Variants in COL7A1 observed in about 807,000 individuals in gnomAD.
The protein encoded by COL7A1 is collagen type VII alpha 1 chain, also known as collagen alpha-1(VII) chain.
A neutral mutation model predicts 456.2 loss-of-function variants in COL7A1; 296 were observed. The ratio of observed to expected loss-of-function variants is 0.65; its 90% confidence interval spans 0.59 to 0.71. The LOEUF (loss-of-function observed/expected upper bound fraction) is 0.71, where lower values mean the gene tolerates loss of function less well. Ranked by LOEUF, COL7A1 falls within the 30% of genes least tolerant of loss-of-function variation. The probability of loss-of-function intolerance (pLI) is 0.00; values close to 1 mark genes in which losing one functional copy is unlikely to be tolerated. For synonymous variants in COL7A1, 1,464 were observed against 1,525.9 expected, an observed-to-expected ratio of 0.96 and a Z score of 0.95; for missense variants, 3,441 against 4,017.2, an observed-to-expected ratio of 0.86 and a Z score of 3.88.
chr3:48,573,163 G>A lies in COL7A1; in HGVS notation c.6714+11C>T, dbSNP rs2044052522. On this transcript the variant is annotated intron_variant, in intron 85 of 118. Coordinates refer to ENST00000681320, the MANE Select transcript of COL7A1 (RefSeq NM_000094.4). The surrounding 1 kb of genome is among the most constrained non-coding windows in gnomAD (Gnocchi z 5.5). ...ACGGTGTCCCTACAGGGGCCACAGGGACTCACTCACCACAAGGCCTGAAGG... is the reference window on the plus strand; with the variant it reads ...ACGGTGTCCCTACAGGGGCCACAGGAACTCACTCACCACAAGGCCTGAAGG... 6 of 1,613,914 alleles carry A rather than the reference G, an allele frequency of 3.7e-6. No homozygotes were observed. Among genetic ancestry groups the A allele is most frequent in the Non-Finnish European group, 5.1e-6 (6 of 1,179,958 alleles).
In COL7A1 at chr3:48,564,189, C is replaced by A. The variant is rs1172546829; in HGVS notation, c.*217G>T. ...CCGCTCACTGCCCACAGCCACCCCCCCACAGTGAGTCATCTGCCAGGGTGG... is the reference window on the plus strand; with the variant it reads ...CCGCTCACTGCCCACAGCCACCCCCACACAGTGAGTCATCTGCCAGGGTGG... On this transcript the variant is annotated 3_prime_UTR_variant, in exon 119 of 119. Coordinates refer to ENST00000681320, the MANE Select transcript of COL7A1 (RefSeq NM_000094.4). This position sits in a 1 kb window ranked among gnomAD's most constrained non-coding sequence, Gnocchi z 6.0. 3.1e-6 allele frequency: 2 copies of A among 644,564 alleles called. No homozygotes were observed. The highest frequency in any genetic ancestry group is 2.2e-5 in the Admixed American group (1 of 46,130). 39.9% of individuals were successfully genotyped at this position (644,564 alleles called of 1,614,324 possible). A position where few individuals can be genotyped will look rare whatever the true frequency, so the allele number is the denominator to read the frequency against.
chr3:48,579,799 C>T lies in COL7A1; in HGVS notation c.5140G>A (p.Gly1714Arg). The T allele has an allele frequency of 1.9e-6, 3 of 1,614,072 alleles. No homozygotes were observed. Among genetic ancestry groups the T allele is most frequent in the Non-Finnish European group, 2.5e-6 (3 of 1,180,020 alleles). ...GACCCTAATACCTTCTCTCTGGCTC[C>T]AGGTCCTGTGTCTACCTGTGGGGGG... The part of the protein sequence containing the change: ...PPGRLVDTGP[G>R]AREKGEPGDR... Residue 1714 changes from glycine to arginine, a missense_variant, in exon 58 of 119, where the codon GGA (glycine) becomes AGA (arginine). Coordinates refer to ENST00000681320, the MANE Select transcript of COL7A1 (RefSeq NM_000094.4). This position sits in a 1 kb window ranked among gnomAD's most constrained non-coding sequence, Gnocchi z 4.4.
rs374775853 is a variant in COL7A1 at position 48,570,385 on chromosome 3, G to A, written c.7381-51C>T. 1.7e-5 allele frequency: 27 copies of A among 1,613,784 alleles called. No homozygotes were observed. The highest frequency in any genetic ancestry group is 4.5e-5 in the East Asian group (2 of 44,864). On this transcript the variant is annotated intron_variant, in intron 97 of 118. Coordinates refer to ENST00000681320, the MANE Select transcript of COL7A1 (RefSeq NM_000094.4). The surrounding 1 kb of genome is among the most constrained non-coding windows in gnomAD (Gnocchi z 5.5). Reference sequence around the variant, plus strand: ...TCAGTGAGGGGAATCAGTGGGGGACGCAGGGTCATGGGAGGTCAGTGGAGG... The same window carrying A: ...TCAGTGAGGGGAATCAGTGGGGGACACAGGGTCATGGGAGGTCAGTGGAGG...
At position 48,567,526 on chromosome 3, in the gene COL7A1, T is replaced by A; in HGVS notation, c.8046+48A>T. 6.2e-7 allele frequency: 1 copy of A among 1,612,302 alleles called. No individual in the cohort carries two copies. Among genetic ancestry groups the A allele is most frequent in the South Asian group, 1.1e-5 (1 of 91,042 alleles). ...CCCATGACCCGACCATGAGCTTCCCTGCCCCATCCTGACTCCCTGTCATGT... is the reference window on the plus strand; with the variant it reads ...CCCATGACCCGACCATGAGCTTCCCAGCCCCATCCTGACTCCCTGTCATGT... On this transcript the variant is annotated intron_variant, in intron 109 of 118. Coordinates refer to ENST00000681320, the MANE Select transcript of COL7A1 (RefSeq NM_000094.4). This position sits in a 1 kb window ranked among gnomAD's most constrained non-coding sequence, Gnocchi z 4.3.
chr3:48,564,670 G>C lies in COL7A1; in HGVS notation c.8818+113C>G, dbSNP rs923484662. The C allele has an allele frequency of 4.8e-6, 6 of 1,262,072 alleles. No individual in the cohort carries two copies. In the African/African-American group the frequency reaches 7.5e-5, roughly 16 times the overall value. 78.2% of individuals were successfully genotyped at this position (1,262,072 alleles called of 1,614,324 possible). On this transcript the variant is annotated intron_variant, in intron 118 of 118. Coordinates refer to ENST00000681320, the MANE Select transcript of COL7A1 (RefSeq NM_000094.4). The surrounding 1 kb of genome is among the most constrained non-coding windows in gnomAD (Gnocchi z 6.0). ...CTGCCCCAGGTCCCCTACTGCGAGG[G>C]AGCGTCTCCTCCAGGACCCTGACCT...
In COL7A1 at chr3:48,584,778, G is replaced by A. The variant is rs763087515; in HGVS notation, c.4012-9C>T. 5.0e-5 allele frequency: 81 copies of A among 1,613,884 alleles called. No individual in the cohort carries two copies. In the East Asian group the frequency reaches 8.2e-4, roughly 16 times the overall value. On this transcript the variant is annotated splice_polypyrimidine_tract_variant and intron_variant, in intron 34 of 118. Transcript: ENST00000681320. ...CGAGGTCCTCGCTCTCCCTGAGGAC[G>A]AAACAGAGCAGAGGGTGGTGCTTGG...
At position 48,594,249 on chromosome 3, in the gene COL7A1, G is replaced by T; in HGVS notation, c.266+119C>A. On this transcript the variant is annotated intron_variant, in intron 3 of 118. Transcript: ENST00000681320. The surrounding 1 kb of genome is among the most constrained non-coding windows in gnomAD (Gnocchi z 5.5). The stretch of plus-strand genomic sequence containing the variant: ...GAGGTCCTGGCTAGGGGGTCTCTAG[G>T]TTCCCCAAAACTTGTTTCTGCAAAG... 8.2e-7 allele frequency: 1 copy of T among 1,222,376 alleles called. No homozygotes were observed. The highest frequency in any genetic ancestry group is 1.2e-6 in the Non-Finnish European group (1 of 861,516). 75.7% of individuals were successfully genotyped at this position (1,222,376 alleles called of 1,614,324 possible).
intron 18 of COL7A1, 59 bp from the exon 19 acceptor site, chr3:48,589,054 G>A (rs1475553769): frequency 6.2e-7 from 1 of 1,610,936 alleles, no homozygotes; most frequent in Non-Finnish European, 8.5e-7. Flanking sequence ...GTGCAGGAAT[G>A]GTTGACGCAG....
rs372767169 is a variant in COL7A1, at chr3:48,588,347, G to A, written c.2645C>T (p.Ser882Leu). 110 of 1,612,538 alleles carry A rather than the reference G, an allele frequency of 6.8e-5. No homozygotes were observed. The highest frequency in any genetic ancestry group is 8.9e-5 in the Non-Finnish European group (105 of 1,179,978). Residue 882 changes from serine (S) to leucine (L), a missense_variant, in exon 21 of 119, where the codon TCG (serine) becomes TTG (leucine). Physicochemically the swap from Ser to Leu is moderately radical, Grantham distance 145 (BLOSUM62 -2). Coordinates refer to ENST00000681320, the MANE Select transcript of COL7A1 (RefSeq NM_000094.4). This position sits in a 1 kb window ranked among gnomAD's most constrained non-coding sequence, Gnocchi z 4.6. ...CACCGGCTCCCAGCGCAGCCTCAGC[G>A]AGTGCTCCCCGCGCTGCACCACGTG... ...TLHVVQRGEH[S>L]LRLRWEPVPR...
intron 44 of COL7A1, 88 bp from the exon 45 acceptor site, chr3:48,582,741 G>A: frequency 7.0e-7 from 1 of 1,422,162 alleles, no homozygotes; most frequent in African/African-American, 1.4e-5. Context: ...GGGGGCTGGA[G>A]AGGGGTCAGG....
chr3:48,568,219 C>G lies in COL7A1; in HGVS notation c.7795-49G>C. Reference sequence around the variant, plus strand: ...AGGTCAGAGGAGGTCAGTGAGGGACCAAAGAGAATCGCCCTGGATAGTGGG... The same window carrying G: ...AGGTCAGAGGAGGTCAGTGAGGGACGAAAGAGAATCGCCCTGGATAGTGGG... On this transcript the variant is annotated intron_variant, in intron 105 of 118. Coordinates refer to ENST00000681320, the MANE Select transcript of COL7A1 (RefSeq NM_000094.4). The surrounding 1 kb of genome is among the most constrained non-coding windows in gnomAD (Gnocchi z 5.2). The G allele has an allele frequency of 1.3e-6, 2 of 1,590,498 alleles. No homozygotes were observed. Among genetic ancestry groups the G allele is most frequent in the Non-Finnish European group, 1.7e-6 (2 of 1,164,796 alleles).
chr3:48,585,925 A>G lies in COL7A1; in HGVS notation c.3759+15T>C. The G allele has an allele frequency of 6.2e-7, 1 of 1,614,074 alleles. No homozygotes were observed. The highest frequency in any genetic ancestry group is 1.1e-5 in the South Asian group (1 of 91,080). On this transcript the variant is annotated intron_variant, in intron 29 of 118. Coordinates refer to ENST00000681320, the MANE Select transcript of COL7A1 (RefSeq NM_000094.4). This position sits in a 1 kb window ranked among gnomAD's most constrained non-coding sequence, Gnocchi z 4.5. ...AGGTGCAGCCTCTGTTCACCTCTCG[A>G]TGAGGGACTCTTACCTTTGGACAAT...
chr3:48,585,512 CT>C lies in COL7A1; in HGVS notation c.3894+44del. ...CTCTCTTGTAAAAACCCCGAGACAGCTTTGAGGAGTGCCTCAGAGAAACCTC... is the reference window on the plus strand; with the variant it reads ...CTCTCTTGTAAAAACCCCGAGACAGCTTGAGGAGTGCCTCAGAGAAACCTC... On this transcript the variant is annotated intron_variant, in intron 32 of 118. Transcript: ENST00000681320. The surrounding 1 kb of genome is among the most constrained non-coding windows in gnomAD (Gnocchi z 4.5). The C allele has an allele frequency of 6.3e-7, 1 of 1,597,206 alleles. No homozygotes were observed. The highest frequency in any genetic ancestry group is 8.6e-7 in the Non-Finnish European group (1 of 1,165,750).
rs905322767 is a variant in COL7A1 at position 48,565,384 on chromosome 3, T to G, written c.8527+26A>C. The G allele has an allele frequency of 1.3e-6, 2 of 1,588,936 alleles. No homozygotes were observed. The highest frequency in any genetic ancestry group is 1.7e-6 in the Non-Finnish European group (2 of 1,167,272). Reference sequence around the variant, plus strand: ...TGCGTGTCTCGGCCCCACCCATAGCTGCCCCACGGGTTCAGCTGTCCTCAC... The same window carrying G: ...TGCGTGTCTCGGCCCCACCCATAGCGGCCCCACGGGTTCAGCTGTCCTCAC... On this transcript the variant is annotated intron_variant, in intron 116 of 118. Coordinates refer to ENST00000681320, the MANE Select transcript of COL7A1 (RefSeq NM_000094.4). The surrounding 1 kb of genome is among the most constrained non-coding windows in gnomAD (Gnocchi z 4.5).
In COL7A1 at chr3:48,572,138, G is replaced by A. The variant is rs745874032; in HGVS notation, c.7012C>T (p.Arg2338Ter). ...AKGDRGLPGP[R>*]GEKGEAGRAG... ...CCAACCCACCTCACCTTCTCGCCTCGCGGCCCTGGCAGTCCTCGGTCACCT... is the reference window on the plus strand; with the variant it reads ...CCAACCCACCTCACCTTCTCGCCTCACGGCCCTGGCAGTCCTCGGTCACCT... Residue 2338 changes from arginine (R) to a stop codon, truncating the protein, a stop_gained, in exon 91 of 119, where the codon CGA (arginine) becomes TGA (stop). Coordinates refer to ENST00000681320, the MANE Select transcript of COL7A1 (RefSeq NM_000094.4). LOFTEE classifies it high-confidence loss of function. The surrounding 1 kb of genome is among the most constrained non-coding windows in gnomAD (Gnocchi z 4.6). 2.9e-5 allele frequency: 47 copies of A among 1,613,832 alleles called. No homozygotes were observed. The highest frequency in any genetic ancestry group is 2.7e-5 in the African/African-American group (2 of 74,862).
In COL7A1 at chr3:48,588,358, G is replaced by C. The variant is rs201412774; in HGVS notation, c.2634C>G (p.Arg878=). 1.4e-5 allele frequency: 22 copies of C among 1,612,276 alleles called. No individual in the cohort carries two copies. The highest frequency in any genetic ancestry group is 1.8e-5 in the Non-Finnish European group (21 of 1,179,928). Residue 878 remains arginine (R), a synonymous_variant, in exon 21 of 119, where the codon CGC becomes CGG. Transcript: ENST00000681320. The surrounding 1 kb of genome is among the most constrained non-coding windows in gnomAD (Gnocchi z 4.6). ...PALGTLHVVQ[R]GEHSLRLRWE... ...AGCGCAGCCTCAGCGAGTGCTCCCC[G>C]CGCTGCACCACGTGAAGCGTCCCCA...
In COL7A1 at chr3:48,586,508, G is replaced by A. The variant is rs756547889; in HGVS notation, c.3404-30C>T. On this transcript the variant is annotated intron_variant, in intron 26 of 118. Transcript: ENST00000681320. This position sits in a 1 kb window ranked among gnomAD's most constrained non-coding sequence, Gnocchi z 5.1. ...AAGGAAGGACATGTCAGAACCCTGG[G>A]GCACCAAGCTCCCAGTGGATAGCCC... 3 of 1,613,616 alleles carry A rather than the reference G, an allele frequency of 1.9e-6. No individual in the cohort carries two copies. Among genetic ancestry groups the A allele is most frequent in the Non-Finnish European group, 2.5e-6 (3 of 1,180,026 alleles).
At chr3:48,577,119 T>C (rs2044366092) in intron 65 of COL7A1, 92 bp from the exon 66 acceptor site, 2 of 1,531,274 alleles carry the variant, frequency 1.3e-6, no homozygotes, top group Middle Eastern at 1.7e-4. Flanking sequence ...TGTGACTGTA[T>C]TTCTGTGCCT....
rs202008554 is a variant in COL7A1, at chr3:48,564,762, C to T, written c.8818+21G>A. On this transcript the variant is annotated intron_variant, in intron 118 of 118. Transcript: ENST00000681320. The surrounding 1 kb of genome is among the most constrained non-coding windows in gnomAD (Gnocchi z 6.0). ...GGCAGGCTCAGTGCCCAGTTCCCCACGGTGGGGGCTCAGCCCATACCTGTC... is the reference window on the plus strand; with the variant it reads ...GGCAGGCTCAGTGCCCAGTTCCCCATGGTGGGGGCTCAGCCCATACCTGTC... 2.4e-5 allele frequency: 38 copies of T among 1,609,542 alleles called. No homozygotes were observed. The highest frequency in any genetic ancestry group is 1.5e-4 in the African/African-American group (11 of 74,942).
Sources: allele counts gnomAD v4.1 joint callset, GRCh38; gene constraint gnomAD v4.1.1; non-coding constraint Gnocchi (gnomAD v3.1); transcripts MANE v1.5; gene names NCBI Gene and HGNC (gene_info 2026-07-23, HGNC 2026-07-21).